The following DYDC1 variants were observed in gnomAD, a reference collection of about 807,000 sequenced individuals.
The protein encoded by DYDC1 is DPY30 domain-containing protein 1.
A neutral mutation model predicts 27.9 loss-of-function variants in DYDC1; 21 were observed. The observed-to-expected ratio is 0.75, with a 90% CI of 0.53 to 1.08. The LOEUF (loss-of-function observed/expected upper bound fraction) is 1.08. DYDC1 is among the 50% of genes least tolerant of loss of function. The pLI, the probability that DYDC1 is intolerant of heterozygous loss-of-function variation, is 0.00. For synonymous variants in DYDC1, 67 were observed against 65.8 expected, an observed-to-expected ratio of 1.02 and a Z score of -0.09; for missense variants, 202 against 205.9, an observed-to-expected ratio of 0.98 and a Z score of 0.12.
At position 80,352,301 on chromosome 10, in the gene DYDC1, T is replaced by A. The variant is rs1300057031; in HGVS notation, c.147+154A>T. The A allele has an allele frequency of 6.1e-6, 7 of 1,150,962 alleles. No homozygotes were observed. The Admixed American group carries it at 2.1e-4, about 35-fold the overall frequency. The allele number at this position is 1,150,962 out of a possible 1,614,324, so 71.3% of individuals were successfully genotyped here. On this transcript the variant is annotated intron_variant, in intron 2 of 6. Coordinates refer to ENST00000372202, the MANE Select transcript of DYDC1 (RefSeq NM_001269053.2). ...CTAAATAGAAGTCTTCTTTGGGTAA[T>A]GTTTTCTCCTTCCTGCTTTTCATGT...
intron 6 of DYDC1, chr10:80,337,959 C>T: frequency 2.2e-6 from 1 of 451,322 alleles, no homozygotes; most frequent in Non-Finnish European, 2.9e-6. Context: ...AAATGTTCAT[C>T]TAATTGTCTG....
rs577367487 is a variant in DYDC1 at position 80,356,732 on chromosome 10, G to C, written c.-30C>G. ...CTCACCCCTACACACGCGCCTGCTC[G>C]CCACCCAGGAGCGGCGTCCCGTTGC... On this transcript the variant is annotated 5_prime_UTR_variant, in exon 1 of 7. Coordinates refer to ENST00000372202, the MANE Select transcript of DYDC1 (RefSeq NM_001269053.2). 2.6e-5 allele frequency: 26 copies of C among 985,272 alleles called. No homozygotes were observed. Among genetic ancestry groups the C allele is most frequent in the Admixed American group, 6.2e-5 (1 of 16,254 alleles). 61.0% of individuals were successfully genotyped at this position (985,272 alleles called of 1,614,324 possible).
chr10:80,353,707 A>C (rs1843154276), intron 1 of DYDC1, among the ~76,000 whole-genome samples: 1 of 151,708 alleles, frequency 6.6e-6, no homozygotes, highest in Admixed American at 6.6e-5. Flanking sequence ...TGAACTGTGC[A>C]CTTACTCTGT....
intron 1 of DYDC1, among the ~76,000 whole-genome samples, chr10:80,353,253 A>C (rs1431199789): frequency 6.6e-6 from 1 of 151,850 alleles, no homozygotes; most frequent in African/African-American, 2.4e-5. Flanking sequence ...TTTTCTTTTC[A>C]AGTTCACCTC....
Position 80,352,007 on chromosome 10 carries a change from C to A in DYDC1, c.148-5G>T. The A allele has an allele frequency of 6.2e-7, 1 of 1,613,600 alleles. No individual in the cohort carries two copies. Among genetic ancestry groups the A allele is most frequent in the South Asian group, 1.1e-5 (1 of 91,016 alleles). On this transcript the variant is annotated splice_region_variant and splice_polypyrimidine_tract_variant and intron_variant, in intron 2 of 6. Coordinates refer to ENST00000372202, the MANE Select transcript of DYDC1 (RefSeq NM_001269053.2). ...CTTGGCCATTTCCTTTTGTCTCTAG[C>A]ATTGTTTAAAAACAACAGCACACGA...
chr10:80,340,227 T>C (rs1842272988), intron 4 of DYDC1, among the ~76,000 whole-genome samples: 2 of 152,232 alleles, frequency 1.3e-5, no homozygotes, highest in African/African-American at 4.8e-5. Flanking sequence ...ACCAGAGTCC[T>C]TCACAGTTTA....
chr10:80,338,622 ATTACT>A (rs764927812), intron 5 of DYDC1, 51 bp from the exon 6 acceptor site: 1 of 1,450,068 alleles, frequency 6.9e-7, no homozygotes. Context: ...AAATTAATAC[ATTACT>A]TTTCTTTCAA....
In DYDC1 at chr10:80,356,699, C is replaced by T. The variant is rs1175741880; in HGVS notation, c.-10+13G>A. On this transcript the variant is annotated intron_variant, in intron 1 of 6. Transcript: ENST00000372202. ...AATCCCAAAAACAGTTCGGGCCTTT[C>T]CGGTGCGCTCACCCCTACACACGCG... The T allele has an allele frequency of 6.1e-6, 6 of 984,262 alleles. No homozygotes were observed. The highest frequency in any genetic ancestry group is 2.3e-4 in the East Asian group (2 of 8,810). The allele number at this position is 984,262 out of a possible 1,614,324, so 61.0% of individuals were successfully genotyped here.
At chr10:80,346,466 T>TTTTTTTTTTTTTTTTTC (rs1842641433) in intron 3 of DYDC1, among the ~76,000 whole-genome samples, 1 of 126,840 alleles carries the variant, frequency 7.9e-6, no homozygotes, top group Admixed American at 7.7e-5. Flanking sequence ...TTTTTTTTTT[T>TTTTTTTTTTTTTTTTTC]TTTTTCTTTT....
chr10:80,352,391 TAAAAGC>T, intron 2 of DYDC1, 58 bp downstream of exon 2: 1 of 1,452,528 alleles, frequency 6.9e-7, no homozygotes, highest in African/African-American at 1.4e-5. Flanking sequence ...TAAACTTTTT[TAAAAGC>T]AGACAAGTTG....
intron 6 of DYDC1, among the ~76,000 whole-genome samples, chr10:80,336,880 TTCCTAAGTGGTC>T (rs1157432300): frequency 2.0e-5 from 3 of 152,162 alleles, no homozygotes; most frequent in African/African-American, 7.2e-5. Context: ...GTGCAATAAC[TTCCTAAGTGGTC>T]TCCCTTTTTC....
At chr10:80,349,755 A>C (rs1469363679) in intron 3 of DYDC1, among the ~76,000 whole-genome samples, 7 of 152,234 alleles carry the variant, frequency 4.6e-5, no homozygotes, top group African/African-American at 1.7e-4. Context: ...ATTTTCAAGA[A>C]ACTTCCAAAA....
chr10:80,339,585 C>T (rs1371958394), intron 4 of DYDC1, among the ~76,000 whole-genome samples: 1 of 152,066 alleles, frequency 6.6e-6, no homozygotes, highest in Non-Finnish European at 1.5e-5. Context: ...TGCACAAGTC[C>T]TCCCACAGGA....
rs1193016562 is a variant in DYDC1, at chr10:80,340,042, T to C, written c.343-889A>G. On this transcript the variant is annotated intron_variant, in intron 4 of 6. Coordinates refer to ENST00000372202, the MANE Select transcript of DYDC1 (RefSeq NM_001269053.2). ...AAACAAGGCATCCATTCCTCTTAGA[T>C]GGTAGAAGCCACAACATTCTAAGCC... Among the ~76,000 whole-genome samples the C allele has an allele frequency of 6.6e-5, 10 of 152,194 alleles. No homozygotes were observed. In the South Asian group the frequency reaches 1.9e-3, roughly 28 times the overall value.
At chr10:80,339,558 G>T (rs996006707) in intron 4 of DYDC1, among the ~76,000 whole-genome samples, 1 of 152,014 alleles carries the variant, frequency 6.6e-6, no homozygotes, top group Admixed American at 6.6e-5. Flanking sequence ...ACTTCTACAG[G>T]AACTAATCTG....
chr10:80,339,072 A>G (rs1278321107), intron 5 of DYDC1, 25 bp downstream of exon 5: 3 of 1,299,942 alleles, frequency 2.3e-6, no homozygotes, highest in Non-Finnish European at 3.2e-6. Flanking sequence ...ATTTCACATA[A>G]CATAGAATGA....
At chr10:80,340,359 T>C (rs1161448512) in intron 4 of DYDC1, among the ~76,000 whole-genome samples, 1 of 152,222 alleles carries the variant, frequency 6.6e-6, no homozygotes, top group Non-Finnish European at 1.5e-5. Context: ...TGGACTCATC[T>C]CTGAGCAATG....
intron 6 of DYDC1, chr10:80,337,946 A>G (rs886657227): frequency 6.8e-5 from 27 of 397,678 alleles, no homozygotes; most frequent in South Asian, 4.2e-4. Flanking sequence ...AACCATGACT[A>G]TTAAATGTTC....
intron 6 of DYDC1, among the ~76,000 whole-genome samples, chr10:80,337,667 C>T (rs1842177913): frequency 6.6e-6 from 1 of 152,208 alleles, no homozygotes; most frequent in Non-Finnish European, 1.5e-5. Flanking sequence ...TCCCTCTACA[C>T]GCTCTCCTAT....
Sources: gnomAD v4.1 joint callset for allele counts (sites outside exome capture counted in the v4.1 genomes callset) on GRCh38, gnomAD v4.1.1 for gene constraint, MANE v1.5 for transcripts, NCBI Gene and HGNC (gene_info 2026-07-23, HGNC 2026-07-21) for gene names.